The following GDF3 variants were observed in gnomAD, a reference collection of about 807,000 sequenced individuals.
GDF3 encodes growth/differentiation factor 3.
A neutral mutation model predicts 10.2 loss-of-function variants in GDF3; 10 were observed. The ratio of observed to expected loss-of-function variants is 0.98; its 90% confidence interval spans 0.60 to 1.66. GDF3 has a LOEUF of 1.66. GDF3 is among the 40% of genes most tolerant of loss of function. GDF3 has a pLI of 0.00. For synonymous variants in GDF3, 166 were observed against 178.5 expected (o/e 0.93, Z 0.56); for missense variants, 450 against 438.3 (o/e 1.03, Z -0.24).
At chr12:7,694,689 C>T (rs894544424) in intron 1 of GDF3, among the ~76,000 whole-genome samples, 3 of 151,568 alleles carry the variant, frequency 2.0e-5, no homozygotes, top group Admixed American at 6.6e-5. Context: ...TTCAAATCTT[C>T]TCTCCAGTTG....
In GDF3 at chr12:7,695,646, A is replaced by T; in HGVS notation, c.83T>A (p.Val28Asp). 6.2e-7 allele frequency: 1 copy of T among 1,614,120 alleles called. No individual in the cohort carries two copies. The highest frequency in any genetic ancestry group is 8.5e-7 in the Non-Finnish European group (1 of 1,179,980). The change falls in exon 1 of 2, where the codon GTC becomes GAC. Residue 28 changes from valine (V) to aspartate (D), a missense_variant. Transcript: ENST00000329913. ...ATCTAAGCCCAGAAATTGGAGAAAG[A>T]CATATTCTTGAAATTGGACTGCCTG... Reference protein sequence around the residue: ...LGQAVQFQEYVFLQFLGLDKA... With the variant: ...LGQAVQFQEYDFLQFLGLDKA...
chr12:7,692,002 G>C, intron 1 of GDF3, among the ~76,000 whole-genome samples: 1 of 150,060 alleles, frequency 6.7e-6, no homozygotes. Flanking sequence ...GCAAGACTCT[G>C]CCTCAAAAAA....
At position 7,690,638 on chromosome 12, in the gene GDF3, T is replaced by C; in HGVS notation, c.335A>G (p.Asn112Ser). Residue 112 changes from asparagine to serine, a missense_variant, in exon 2 of 2, where the codon AAC becomes AGC. Transcript: ENST00000329913. Reference protein sequence around the residue: ...SSCLQKLLYFNLSAIKEREQL... With the variant: ...SSCLQKLLYFSLSAIKEREQL... ...TTCCCTTTCTTTGATGGCAGACAGG[T>C]TAAAGTAGAGGAGCTTCTGCAGGCA... The C allele has an allele frequency of 1.9e-6, 3 of 1,611,568 alleles. No individual in the cohort carries two copies. In the South Asian group the frequency reaches 3.3e-5, roughly 18 times the overall value.
intron 1 of GDF3, 46 bp from the exon 2 acceptor site, chr12:7,690,750 T>C (rs1049939271): frequency 1.9e-6 from 2 of 1,042,774 alleles, no homozygotes; most frequent in African/African-American, 1.6e-5. Flanking sequence ...ATGTATTTAC[T>C]TCATATCCAC....
intron 1 of GDF3, among the ~76,000 whole-genome samples, chr12:7,694,837 G>A (rs1402546021): frequency 6.6e-6 from 1 of 152,154 alleles, no homozygotes; most frequent in East Asian, 1.9e-4. Flanking sequence ...TGGGGTTGGA[G>A]GATCTACTGT....
rs1428324398 is a variant in GDF3, at chr12:7,689,864, C to G, written c.*14G>C. ...TACCCTAAGAACACTCCTTCTATTC[C>G]CATTTCTGACATCCTACCCACACCC... On this transcript the variant is annotated 3_prime_UTR_variant, in exon 2 of 2. Transcript: ENST00000329913. 1 of 1,532,602 alleles carries G rather than the reference C, an allele frequency of 6.5e-7. No individual in the cohort carries two copies. Among genetic ancestry groups the G allele is most frequent in the South Asian group, 1.1e-5 (1 of 89,492 alleles). The allele number at this position is 1,532,602 out of a possible 1,614,324, so 94.9% of individuals were successfully genotyped here. A position where few individuals can be genotyped will look rare whatever the true frequency, so the allele number is the denominator to read the frequency against.
intron 1 of GDF3, among the ~76,000 whole-genome samples, chr12:7,692,904 T>A (rs1213615443): frequency 2.0e-5 from 3 of 152,034 alleles, no homozygotes; most frequent in Admixed American, 2.0e-4. Context: ...CTCAAAGTGC[T>A]GGGATTACAG....
chr12:7,693,857 G>A (rs184504264), intron 1 of GDF3, among the ~76,000 whole-genome samples: 130 of 152,160 alleles, frequency 8.5e-4, no homozygotes, highest in African/African-American at 3.1e-3. Context: ...GCAGGCTGAG[G>A]TGGGAAGATC....
intron 1 of GDF3, among the ~76,000 whole-genome samples, chr12:7,695,202 C>A (rs947323304): frequency 1.3e-5 from 2 of 152,156 alleles, no homozygotes; most frequent in Non-Finnish European, 2.9e-5. Context: ...TATTTCAAAT[C>A]CTGACTTTGT....
intron 1 of GDF3, among the ~76,000 whole-genome samples, chr12:7,694,059 C>T (rs996468525): frequency 2.0e-5 from 3 of 152,052 alleles, no homozygotes; most frequent in Non-Finnish European, 4.4e-5. Context: ...GGATACAGCA[C>T]GTGTGAGGAT....
chr12:7,695,328 C>T lies in GDF3; in HGVS notation c.268+133G>A, dbSNP rs377369163. ...ATCTAACTTCCTCTCAGGATCGTGG[C>T]TGGAATTAAATGAGACAAAATATGA... On this transcript the variant is annotated intron_variant, in intron 1 of 1. Coordinates refer to ENST00000329913, the MANE Select transcript of GDF3 (RefSeq NM_020634.3). 6.5e-6 allele frequency: 6 copies of T among 916,306 alleles called. No individual in the cohort carries two copies. The African/African-American group carries it at 8.2e-5, about 12-fold the overall frequency. 56.8% of individuals were successfully genotyped at this position (916,306 alleles called of 1,614,324 possible).
chr12:7,692,051 T>A (rs6488587), intron 1 of GDF3, among the ~76,000 whole-genome samples: 121,855 of 152,032 alleles, frequency 0.8, 49,951 homozygotes, highest in Middle Eastern at 0.91. Context: ...TTTAAAAAAA[T>A]TTTAAAATGT....
In GDF3 at chr12:7,690,572, T is replaced by C. The variant is rs773659015; in HGVS notation, c.401A>G (p.Asn134Ser). The C allele has an allele frequency of 1.3e-5, 21 of 1,605,830 alleles. No individual in the cohort carries two copies. Among genetic ancestry groups the C allele is most frequent in the Non-Finnish European group, 1.8e-5 (21 of 1,175,980 alleles). Residue 134 changes from asparagine (N) to serine (S), a missense_variant, in exon 2 of 2, where the codon AAT (asparagine) becomes AGT (serine). Asn to Ser is a conservative substitution (Grantham distance 46). Transcript: ENST00000329913. ...LAQLGLDLGPNSYYNLGPELE... is the reference protein window; with the variant it reads ...LAQLGLDLGPSSYYNLGPELE... ...CTCTGGTCCCAGGTTATAGTAAGAATTGGGCCCCAAGTCCAGGCCCAGCTG... is the reference window on the plus strand; with the variant it reads ...CTCTGGTCCCAGGTTATAGTAAGAACTGGGCCCCAAGTCCAGGCCCAGCTG...
rs2302516 is a variant in GDF3 at position 7,689,991 on chromosome 12, C to G, written c.982G>C (p.Val328Leu). Reference sequence around the variant, plus strand: ...GGAGACAGCTTGGTGGGGATACACACAGCCTGGGGGATCTCTGGGTCAACG... The same window carrying G: ...GGAGACAGCTTGGTGGGGATACACAGAGCCTGGGGGATCTCTGGGTCAACG... ...HAVDPEIPQA[V>L]CIPTKLSPIS... Residue 328 changes from valine to leucine, a missense_variant, in exon 2 of 2, where the codon GTG becomes CTG. Coordinates refer to ENST00000329913, the MANE Select transcript of GDF3 (RefSeq NM_020634.3). 49,918 of 1,613,794 alleles carry G rather than the reference C, an allele frequency of 0.031. 1,041 individuals carry two copies. Among genetic ancestry groups the G allele is most frequent in the South Asian group, 0.063 (5,732 of 91,056 alleles).
rs1864172994 is a variant in GDF3, at chr12:7,695,460, C to T, written c.268+1G>A. 6 of 1,613,940 alleles carry T rather than the reference C, an allele frequency of 3.7e-6. No homozygotes were observed. The East Asian group carries it at 8.9e-5, about 24-fold the overall frequency. ...TTCTGGATAACACTCTATTTCCTTA[C>T]CTTGGTCTGGGAGAAAGCGAAGTAC... On this transcript the variant is annotated splice_donor_variant, in intron 1 of 1. Transcript: ENST00000329913. LOFTEE classifies it high-confidence loss of function.
rs151263990 is a variant in GDF3, at chr12:7,690,900, C to T, written c.269-196G>A. Among the ~76,000 whole-genome samples the T allele has an allele frequency of 0.093, 14,136 of 152,092 alleles. 699 individuals carry two copies. Among genetic ancestry groups the T allele is most frequent in the Middle Eastern group, 0.13 (37 of 294 alleles). On this transcript the variant is annotated intron_variant, in intron 1 of 1. Transcript: ENST00000329913. ...GGTGCGGCGGCTCACGCCTGTAATC[C>T]CAGCACTTTGGGAGGCCGAGGCGGG...
Position 7,692,711 on chromosome 12 carries a change from C to T in GDF3, c.269-2007G>A, listed in dbSNP as rs755203637. Among the ~76,000 whole-genome samples, 3 of 152,090 alleles carry T rather than the reference C, an allele frequency of 2.0e-5. No homozygotes were observed. In the East Asian group the frequency reaches 5.9e-4, roughly 30 times the overall value. ...TAGAGACGGGGTTTCACCATGTTGG[C>T]CAGGCTGGTCTCAAACTCCTGACCT... is the stretch of plus-strand genomic sequence containing the variant. On this transcript the variant is annotated intron_variant, in intron 1 of 1. Coordinates refer to ENST00000329913, the MANE Select transcript of GDF3 (RefSeq NM_020634.3).
At chr12:7,691,161 AAAAG>A (rs1309898536) in intron 1 of GDF3, among the ~76,000 whole-genome samples, 1 of 152,078 alleles carries the variant, frequency 6.6e-6, no homozygotes, top group East Asian at 1.9e-4. Context: ...AAAAAAAAAA[AAAAG>A]AAAGCCAGAG....
chr12:7,691,558 A>C (rs929733875), intron 1 of GDF3, among the ~76,000 whole-genome samples: 2 of 151,642 alleles, frequency 1.3e-5, no homozygotes, highest in African/African-American at 4.8e-5. Context: ...TAAATAAATA[A>C]ATAAAAGAAA....
Sources: gnomAD v4.1 joint callset for allele counts (sites outside exome capture counted in the v4.1 genomes callset) on GRCh38, gnomAD v4.1.1 for gene constraint, MANE v1.5 for transcripts, NCBI Gene and HGNC (gene_info 2026-07-23, HGNC 2026-07-21) for gene names.